The following MMP26 variants were observed in gnomAD, a reference collection of about 807,000 sequenced individuals.
The protein encoded by MMP26 is matrix metallopeptidase 26.
A neutral mutation model predicts 31.0 loss-of-function variants in MMP26; 33 were observed. The ratio of observed to expected loss-of-function variants is 1.06; its 90% CI spans 0.81 to 1.42. MMP26 has a LOEUF of 1.42. Ranked by LOEUF, MMP26 falls within the 40% of genes most tolerant of loss-of-function variation. The probability of loss-of-function intolerance (pLI) is 0.00; values close to 1 mark genes in which losing one functional copy is unlikely to be tolerated. For synonymous variants in MMP26, 122 were observed against 114.9 expected (o/e 1.06, Z -0.40); for missense variants, 347 against 316.1 (o/e 1.10, Z -0.74).
At chr11:4,972,429 T>C (rs948703053) in intron 2 of MMP26, among the ~76,000 whole-genome samples, 3 of 152,212 alleles carry the variant, frequency 2.0e-5, no homozygotes, top group Non-Finnish European at 2.9e-5. Context: ...AAGCATTGTT[T>C]ATTTTATTTT....
chr11:4,803,570 C>CCT (rs747349427), intron 2 of MMP26: 12 of 1,613,818 alleles, frequency 7.4e-6, no homozygotes, highest in Middle Eastern at 1.6e-4. Flanking sequence ...ACTCGGGGCA[C>CCT]ATCATGGCCA....
At chr11:4,798,074 G>C (rs1220297022) in intron 2 of MMP26, among the ~76,000 whole-genome samples, 6 of 152,208 alleles carry the variant, frequency 3.9e-5, no homozygotes, top group Non-Finnish European at 2.9e-5. Flanking sequence ...TATTAGGGCT[G>C]GCATCTGGAG....
intron 2 of MMP26, among the ~76,000 whole-genome samples, chr11:4,843,198 G>A (rs1000136742): frequency 2.6e-5 from 4 of 152,178 alleles, no homozygotes; most frequent in Non-Finnish European, 4.4e-5. Flanking sequence ...CTGCCATTCT[G>A]GAGTATGGAT....
intron 2 of MMP26, among the ~76,000 whole-genome samples, chr11:4,906,723 A>G (rs1458532926): frequency 6.6e-6 from 1 of 152,194 alleles, no homozygotes; most frequent in Non-Finnish European, 1.5e-5. Context: ...AAATGAGTGG[A>G]AAAGATTCTA....
At chr11:4,901,105 T>C (rs1850793329) in intron 2 of MMP26, among the ~76,000 whole-genome samples, 1 of 150,112 alleles carries the variant, frequency 6.7e-6, no homozygotes, top group South Asian at 2.1e-4. Flanking sequence ...CACATTGCAA[T>C]AGTAGTGCAC....
chr11:4,795,418 A>G (rs1849092491), intron 2 of MMP26: 1 of 152,210 alleles, frequency 6.6e-6, no homozygotes, highest in Non-Finnish European at 1.5e-5. Context: ...ATTATTTCCG[A>G]AAAGATTGGG....
At chr11:4,794,394 C>T (rs1382857134) in intron 2 of MMP26, among the ~76,000 whole-genome samples, 1 of 152,168 alleles carries the variant, frequency 6.6e-6, no homozygotes. Flanking sequence ...GGTACAGTTA[C>T]AACAAGCAAT....
At position 4,812,960 on chromosome 11, in the gene MMP26, A is replaced by G. The variant is rs34212905; in HGVS notation, c.-145+45619A>G. Among the ~76,000 whole-genome samples the G allele has an allele frequency of 5.4e-3, 818 of 151,276 alleles. 5 individuals are homozygous for G. Among genetic ancestry groups the G allele is most frequent in the Non-Finnish European group, 8.9e-3 (606 of 67,832 alleles). On this transcript the variant is annotated intron_variant, in intron 2 of 7. Transcript: ENST00000380390. ...GAGATTTTCTTTTTTTTTTCCACAG[A>G]TATTTTATGTATATATTTATATGTA...
rs1166216255 is a variant in MMP26, at chr11:4,992,027, G to A, written c.659G>A (p.Gly220Glu). 2.5e-6 allele frequency: 4 copies of A among 1,613,658 alleles called. No homozygotes were observed. The East Asian group carries it at 6.7e-5, about 27-fold the overall frequency. Residue 220 changes from glycine (G) to glutamate (E), a missense_variant, in exon 7 of 8, where the codon GGG (glycine) becomes GAG (glutamate). Transcript: ENST00000380390. ...CATTCTTTGGGCCTGCAGCACTCTG[G>A]GAATCAGAGCTCCATAATGTACCCC... is the stretch of plus-strand genomic sequence containing the variant. ...IGHSLGLQHS[G>E]NQSSIMYPTY...
chr11:4,874,636 T>G (rs1850355982), intron 2 of MMP26, among the ~76,000 whole-genome samples: 1 of 151,712 alleles, frequency 6.6e-6, no homozygotes, highest in Admixed American at 6.6e-5. Flanking sequence ...AGGGTTATGA[T>G]AAATACAAAG....
At chr11:4,956,774 T>A (rs1481948388) in intron 2 of MMP26, among the ~76,000 whole-genome samples, 1 of 152,180 alleles carries the variant, frequency 6.6e-6, no homozygotes, top group Non-Finnish European at 1.5e-5. Context: ...CCTTACCAAA[T>A]CTTCCTAGTT....
chr11:4,710,024 T>C (rs1421179271), intron 1 of MMP26: 7 of 456,662 alleles, frequency 1.5e-5, no homozygotes, highest in Non-Finnish European at 2.6e-5. Context: ...CAATTGTTCT[T>C]AGGGGAACAA....
chr11:4,825,850 T>C (rs1021457476), intron 2 of MMP26, among the ~76,000 whole-genome samples: 2 of 152,138 alleles, frequency 1.3e-5, no homozygotes, highest in South Asian at 2.1e-4. Flanking sequence ...AATAAGATGA[T>C]AGAAAACACC....
intron 1 of MMP26, chr11:4,723,207 G>A (rs1480583500): frequency 2.7e-6 from 4 of 1,459,998 alleles, no homozygotes; most frequent in Non-Finnish European, 3.8e-6. Flanking sequence ...GAAGCCCTCT[G>A]GCCTTTGAGG....
intron 1 of MMP26, among the ~76,000 whole-genome samples, chr11:4,734,848 C>CGCAGAGCATATTTATATA (rs1564897513): frequency 1.7e-5 from 1 of 59,212 alleles, no homozygotes; most frequent in African/African-American, 9.0e-5. Context: ...AGCATATTTT[C>CGCAGAGCATATTTATATA]AGCTTGTATC....
intron 1 of MMP26, among the ~76,000 whole-genome samples, chr11:4,762,995 A>C (rs1354774075): frequency 6.6e-6 from 1 of 152,210 alleles, no homozygotes; most frequent in Non-Finnish European, 1.5e-5. Context: ...GGCAGGTGAA[A>C]TGTATTTACA....
intron 1 of MMP26, among the ~76,000 whole-genome samples, chr11:4,761,894 T>C (rs1848572761): frequency 6.6e-6 from 1 of 152,048 alleles, no homozygotes; most frequent in Non-Finnish European, 1.5e-5. Flanking sequence ...AGCTGCAATA[T>C]AGAATGATCA....
At chr11:4,796,103 C>T (rs879832620) in intron 2 of MMP26, among the ~76,000 whole-genome samples, 4 of 152,128 alleles carry the variant, frequency 2.6e-5, no homozygotes, top group Non-Finnish European at 4.4e-5. Flanking sequence ...GGCTATGTCA[C>T]GTAACCTACA....
intron 2 of MMP26, among the ~76,000 whole-genome samples, chr11:4,791,042 G>A (rs930269706): frequency 1.2e-4 from 18 of 151,914 alleles, no homozygotes; most frequent in African/African-American, 2.2e-4. Context: ...TTGTTGTATC[G>A]GTTATTCTCA....
Sources: gnomAD v4.1 joint callset for allele counts (sites outside exome capture counted in the v4.1 genomes callset) on GRCh38, gnomAD v4.1.1 for gene constraint, MANE v1.5 for transcripts, NCBI Gene and HGNC (gene_info 2026-07-23, HGNC 2026-07-21) for gene names.